Variants in SMYD3 observed in about 807,000 individuals in gnomAD.
SMYD3 encodes the protein histone-lysine N-methyltransferase SMYD3.
A neutral mutation model predicts 57.7 loss-of-function variants in SMYD3; 36 were observed. That is an observed-to-expected ratio of 0.62 (90% CI 0.48 to 0.82). The LOEUF is 0.82. SMYD3 is among the 40% of genes least tolerant of loss of function. The pLI, the probability that SMYD3 is intolerant of heterozygous loss-of-function variation, is 0.00. For missense variants in SMYD3, 515 were observed against 538.8 expected, an observed-to-expected ratio of 0.96 and a Z score of 0.44; for synonymous variants, 211 against 195.0, an observed-to-expected ratio of 1.08 and a Z score of -0.68.
chr1:245,870,646 T>C (rs982205456), intron 8 of SMYD3, among the ~76,000 whole-genome samples: 4 of 152,190 alleles, frequency 2.6e-5, no homozygotes, highest in African/African-American at 9.7e-5. Context: ...TAAAAGGGTA[T>C]CACTCAACAC....
At chr1:246,185,610 C>T (rs561807668) in intron 5 of SMYD3, among the ~76,000 whole-genome samples, 3 of 152,066 alleles carry the variant, frequency 2.0e-5, no homozygotes, top group Admixed American at 1.3e-4. Context: ...TACAGGCGCC[C>T]GCCACCACGC....
At chr1:246,218,593 C>G (rs1333332884) in intron 5 of SMYD3, among the ~76,000 whole-genome samples, 5 of 151,304 alleles carry the variant, frequency 3.3e-5, no homozygotes, top group Non-Finnish European at 7.4e-5. Flanking sequence ...TGCACTCCAG[C>G]CTGGGTGACA....
At chr1:246,059,708 G>T (rs981681040) in intron 5 of SMYD3, among the ~76,000 whole-genome samples, 6 of 152,154 alleles carry the variant, frequency 3.9e-5, no homozygotes, top group African/African-American at 1.4e-4. Context: ...AGTAAGATAC[G>T]ATTATTTTGT....
At chr1:246,451,621 T>A (rs2067633686) in intron 1 of SMYD3, among the ~76,000 whole-genome samples, 1 of 152,262 alleles carries the variant, frequency 6.6e-6, no homozygotes, top group South Asian at 2.1e-4. Context: ...AACGCTAATG[T>A]AAACTATTCA....
At chr1:246,401,588 C>T (rs2066769931) in intron 1 of SMYD3, among the ~76,000 whole-genome samples, 1 of 152,046 alleles carries the variant, frequency 6.6e-6, no homozygotes, top group African/African-American at 2.4e-5. Flanking sequence ...CCACCTCAGC[C>T]TCCCAAAGTG....
At chr1:245,870,518 A>T (rs115862543) in intron 8 of SMYD3, among the ~76,000 whole-genome samples, 3 of 152,174 alleles carry the variant, frequency 2.0e-5, no homozygotes, top group Non-Finnish European at 4.4e-5. Context: ...CTATCCCTGC[A>T]TGAATCAGTG....
intron 5 of SMYD3, among the ~76,000 whole-genome samples, chr1:246,166,120 AAGCACT>A (rs1318808026): frequency 1.9e-3 from 293 of 152,184 alleles, no homozygotes; most frequent in African/African-American, 6.8e-3. Flanking sequence ...AGAAGAAGAA[AAGCACT>A]ATCTGTTTTC....
chr1:245,929,236 T>C (rs1239905092), intron 6 of SMYD3, among the ~76,000 whole-genome samples: 1 of 152,226 alleles, frequency 6.6e-6, no homozygotes, highest in Non-Finnish European at 1.5e-5. Flanking sequence ...TAATGACAAT[T>C]GTGAGAAATA....
chr1:245,977,718 C>A (rs116730583), intron 5 of SMYD3, among the ~76,000 whole-genome samples: 3,908 of 152,210 alleles, frequency 0.026, 160 homozygotes, highest in African/African-American at 0.083. Flanking sequence ...AAAAGATTCT[C>A]CCTTGCATGA....
At chr1:246,071,894 G>C (rs2788000) in intron 5 of SMYD3, among the ~76,000 whole-genome samples, 2,072 of 16,074 alleles carry the variant, frequency 0.13, 95 homozygotes, top group Middle Eastern at 0.35. Context: ...TCGCTGCATC[G>C]TGTTAGTTCT....
chr1:246,022,586 T>G (rs866775704), intron 5 of SMYD3, among the ~76,000 whole-genome samples: 1 of 152,250 alleles, frequency 6.6e-6, no homozygotes, highest in South Asian at 2.1e-4. Context: ...ATTATTATGC[T>G]ACATTATGTA....
At chr1:245,814,847 C>A (rs142947892) in intron 10 of SMYD3, among the ~76,000 whole-genome samples, 1 of 149,322 alleles carries the variant, frequency 6.7e-6, no homozygotes, top group Non-Finnish European at 1.5e-5. Flanking sequence ...CACACATGCA[C>A]GCACACACAC....
At chr1:246,463,240 T>C (rs1485427624) in intron 1 of SMYD3, among the ~76,000 whole-genome samples, 1 of 152,100 alleles carries the variant, frequency 6.6e-6, no homozygotes, top group African/African-American at 2.4e-5. Context: ...GGTTATGGTA[T>C]GATGGTTTCA....
intron 1 of SMYD3, among the ~76,000 whole-genome samples, chr1:246,408,114 TC>T (rs1558449682): frequency 3.3e-5 from 5 of 151,720 alleles, no homozygotes; most frequent in Non-Finnish European, 5.9e-5. Context: ...GCTAATTACC[TC>T]CCCGAAGCAC....
At chr1:246,249,393 CG>C (rs1430505437) in intron 5 of SMYD3, among the ~76,000 whole-genome samples, 3 of 152,088 alleles carry the variant, frequency 2.0e-5, no homozygotes, top group Non-Finnish European at 4.4e-5. Flanking sequence ...CATGAGCCAC[CG>C]TACCTGGCCT....
intron 5 of SMYD3, among the ~76,000 whole-genome samples, chr1:246,015,292 A>C (rs1431960395): frequency 6.6e-6 from 1 of 152,020 alleles, no homozygotes; most frequent in African/African-American, 2.4e-5. Flanking sequence ...TCCCTTGGCC[A>C]CTCCACTAGC....
chr1:245,947,548 C>T (rs12139349), intron 5 of SMYD3: 3,919 of 363,652 alleles, frequency 0.011, 30 homozygotes, highest in Non-Finnish European at 0.017. Context: ...TCTAAACCAT[C>T]GGCTAATGAG....
chr1:245,977,103 A>G (rs2058463361), intron 5 of SMYD3, among the ~76,000 whole-genome samples: 1 of 152,182 alleles, frequency 6.6e-6, no homozygotes, highest in South Asian at 2.1e-4. Context: ...TCTTAACCTC[A>G]TCTCATGCTT....
intron 1 of SMYD3, among the ~76,000 whole-genome samples, chr1:246,426,499 C>T (rs1036677394): frequency 9.9e-5 from 15 of 152,150 alleles, no homozygotes; most frequent in African/African-American, 2.9e-4. Flanking sequence ...TTTTACATAA[C>T]GAATCATATG....
Sources: gnomAD v4.1 joint callset for allele counts (sites outside exome capture counted in the v4.1 genomes callset) on GRCh38, gnomAD v4.1.1 for gene constraint, MANE v1.5 for transcripts, NCBI Gene and HGNC (gene_info 2026-07-23, HGNC 2026-07-21) for gene names.